Variants in PDE1A observed in about 807,000 individuals in gnomAD.
PDE1A encodes the protein phosphodiesterase 1A.
In PDE1A, 35 loss-of-function variants were observed where a neutral mutation model predicts 61.7. That is an observed-to-expected ratio of 0.57 (90% CI 0.43 to 0.75). The LOEUF (loss-of-function observed/expected upper bound fraction) is 0.75. PDE1A is among the 30% of genes least tolerant of loss of function. PDE1A has a pLI of 0.00. For missense variants in PDE1A, 597 were observed against 630.6 expected, an observed-to-expected ratio of 0.95 and a Z score of 0.57; for synonymous variants, 232 against 213.2, an observed-to-expected ratio of 1.09 and a Z score of -0.77.
chr2:182,140,117 G>A (rs1316786002), exon 15 of PDE1A: 1 of 152,196 alleles, frequency 6.6e-6, no homozygotes, highest in Non-Finnish European at 1.5e-5. Flanking sequence ...GAAGACAGAA[G>A]CAGTTTTTTA....
At chr2:182,492,180 A>G (rs1688436043) in intron 2 of PDE1A, among the ~76,000 whole-genome samples, 1 of 152,188 alleles carries the variant, frequency 6.6e-6, no homozygotes, top group Admixed American at 6.5e-5. Flanking sequence ...CTTGACCACA[A>G]AACTTCAGGC....
At position 182,521,339 on chromosome 2, in the gene PDE1A, C is replaced by A. The variant is rs371488781; in HGVS notation, c.101+937G>T. On this transcript the variant is annotated intron_variant, in intron 2 of 14. Coordinates refer to the PDE1A transcript ENST00000410103. ...TCTCTATTTTGCATAGTGTAGGATT[C>A]TTTCAGCTGTTATTATAGAAAAGCA... Among the ~76,000 whole-genome samples, 7 of 152,042 alleles carry A rather than the reference C, an allele frequency of 4.6e-5. No homozygotes were observed. In the East Asian group the frequency reaches 1.4e-3, roughly 29 times the overall value.
At chr2:182,329,603 C>G (rs1261551726) in intron 1 of PDE1A, among the ~76,000 whole-genome samples, 2 of 152,076 alleles carry the variant, frequency 1.3e-5, no homozygotes, top group Non-Finnish European at 2.9e-5. Context: ...GTTGATCAGG[C>G]TGGTCTTGAA....
the PDE1A span, among the ~76,000 whole-genome samples, chr2:182,630,788 A>T: frequency 6.6e-6 from 1 of 152,170 alleles, no homozygotes; most frequent in Admixed American, 6.5e-5. Context: ...ATCCAGCATC[A>T]GCTCTCCCTT....
At chr2:182,575,944 T>C in the PDE1A span, among the ~76,000 whole-genome samples, 1 of 147,180 alleles carries the variant, frequency 6.8e-6, no homozygotes, top group Non-Finnish European at 1.5e-5. Flanking sequence ...ATAGTATTAA[T>C]ATATTATAAT....
intron 2 of PDE1A, among the ~76,000 whole-genome samples, chr2:182,502,992 T>A (rs577040626): frequency 1.3e-5 from 2 of 151,562 alleles, no homozygotes; most frequent in Admixed American, 1.3e-4. Flanking sequence ...ACCCAGTTGT[T>A]CAGGTTCTCT....
At chr2:182,141,512 G>A (rs1690227175) in exon 15 of PDE1A, 1 of 152,160 alleles carries the variant, frequency 6.6e-6, no homozygotes, top group African/African-American at 2.4e-5. Context: ...AGATTCAGGT[G>A]AAACTAAAGC....
At chr2:182,244,293 C>T (rs920339511) in intron 2 of PDE1A, among the ~76,000 whole-genome samples, 1 of 151,992 alleles carries the variant, frequency 6.6e-6, no homozygotes, top group Non-Finnish European at 1.5e-5. Context: ...CCATATCTAT[C>T]ATTTTTCCAC....
chr2:182,607,531 C>T, the PDE1A span, among the ~76,000 whole-genome samples: 1 of 152,162 alleles, frequency 6.6e-6, no homozygotes, highest in Non-Finnish European at 1.5e-5. Flanking sequence ...GCAGAACCCA[C>T]ATACATGTGA....
chr2:182,648,511 C>CAAAAAAAGAAAAAAAA, the PDE1A span, among the ~76,000 whole-genome samples: 1 of 76,220 alleles, frequency 1.3e-5, no homozygotes, highest in African/African-American at 5.9e-5. Flanking sequence ...CCTGTCCCCA[C>CAAAAAAAGAAAAAAAA]AAAAAAAAAA....
At chr2:182,374,635 T>C (rs935094489) in intron 1 of PDE1A, among the ~76,000 whole-genome samples, 2 of 152,102 alleles carry the variant, frequency 1.3e-5, no homozygotes, top group South Asian at 4.1e-4. Flanking sequence ...ATATAAATAA[T>C]TAATAGAATA....
chr2:182,422,196 G>T (rs557451120), intron 1 of PDE1A, among the ~76,000 whole-genome samples: 1 of 152,118 alleles, frequency 6.6e-6, no homozygotes, highest in Non-Finnish European at 1.5e-5. Flanking sequence ...TGGCTTTTTA[G>T]TTTTATTTCT....
chr2:182,336,976 T>TAAAAAATAA (rs10679939), intron 1 of PDE1A, among the ~76,000 whole-genome samples: 1 of 148,596 alleles, frequency 6.7e-6, no homozygotes, highest in East Asian at 2.0e-4. Context: ...TTTTTTTTTT[T>TAAAAAATAA]AAATAAAGAA....
chr2:182,700,932 A>C, the PDE1A span, among the ~76,000 whole-genome samples: 1 of 151,944 alleles, frequency 6.6e-6, no homozygotes, highest in African/African-American at 2.4e-5. Context: ...CACGCAAAAA[A>C]AGTAATTCAT....
exon 7 of PDE1A, chr2:182,223,906 T>C (rs1688935649): frequency 1.2e-6 from 2 of 1,604,176 alleles, no homozygotes; most frequent in East Asian, 2.3e-5. Flanking sequence ...TGTATGCTCA[T>C]AATCATGAAT....
chr2:182,365,153 A>G (rs1024474286), intron 1 of PDE1A, among the ~76,000 whole-genome samples: 1 of 152,032 alleles, frequency 6.6e-6, no homozygotes, highest in Non-Finnish European at 1.5e-5. Context: ...CATATTCTTT[A>G]TCATGCAAAC....
chr2:182,302,649 A>G (rs1279083206), intron 1 of PDE1A, among the ~76,000 whole-genome samples: 1 of 152,160 alleles, frequency 6.6e-6, no homozygotes, highest in Non-Finnish European at 1.5e-5. Context: ...TAAGGCAACA[A>G]TCAAGTTTGT....
At chr2:182,610,754 T>G in the PDE1A span, among the ~76,000 whole-genome samples, 1 of 151,792 alleles carries the variant, frequency 6.6e-6, no homozygotes, top group Admixed American at 6.6e-5. Context: ...AACAAATTTA[T>G]AAAACTTTGA....
intron 8 of PDE1A, among the ~76,000 whole-genome samples, chr2:182,203,486 T>C (rs1173575464): frequency 1.3e-5 from 2 of 152,200 alleles, no homozygotes; most frequent in Non-Finnish European, 2.9e-5. Flanking sequence ...TTATTCTCAA[T>C]TACATTTTTT....
Sources: gnomAD v4.1 joint callset for allele counts (sites outside exome capture counted in the v4.1 genomes callset) on GRCh38, gnomAD v4.1.1 for gene constraint, MANE v1.5 for transcripts, NCBI Gene and HGNC (gene_info 2026-07-23, HGNC 2026-07-21) for gene names.